SCAPER: variants seen among roughly 807,000 people sequenced by gnomAD.
SCAPER encodes the protein S-phase cyclin A associated protein in the ER, also known as S phase cyclin A-associated protein in the endoplasmic reticulum.
SCAPER carries 98 observed loss-of-function variants against 182.2 expected under a neutral mutation model. That is an observed-to-expected ratio of 0.54 (90% CI 0.46 to 0.64). SCAPER has a LOEUF of 0.64. Ranked by LOEUF, SCAPER falls within the 30% of genes least tolerant of loss-of-function variation. The probability of loss-of-function intolerance (pLI) is 0.00; values close to 1 mark genes in which losing one functional copy is unlikely to be tolerated. For missense variants in SCAPER, 1,432 were observed against 1,690.0 expected, an observed-to-expected ratio of 0.85 and a Z score of 2.68; for synonymous variants, 605 against 564.6, an observed-to-expected ratio of 1.07 and a Z score of -1.01.
In SCAPER at chr15:76,607,804, C is replaced by T. The variant is rs147003628; in HGVS notation, c.2711+13960G>A. 9.9e-4 allele frequency among the ~76,000 whole-genome samples: 150 copies of T among 152,216 alleles called. 1 individual carries two copies. In the East Asian group the frequency reaches 0.025, roughly 25 times the overall value. On this transcript the variant is annotated intron_variant, in intron 22 of 31. Coordinates refer to ENST00000563290, the MANE Select transcript of SCAPER (RefSeq NM_020843.4). ...GCTGATACCCTTTCTTCCAGTTGAT[C>T]GCATCGGCTACTGAGGCTTCTGCAT...
At chr15:76,696,145 T>C (rs533812075) in intron 20 of SCAPER, among the ~76,000 whole-genome samples, 10 of 152,342 alleles carry the variant, frequency 6.6e-5, no homozygotes, top group Non-Finnish European at 1.3e-4. Context: ...TATATGGAAT[T>C]ATCTTTTATT....
chr15:76,733,997 C>T (rs1356721183), intron 15 of SCAPER, among the ~76,000 whole-genome samples: 1 of 152,128 alleles, frequency 6.6e-6, no homozygotes, highest in Non-Finnish European at 1.5e-5. Context: ...CTTATACAGA[C>T]CATCTTACAA....
At position 76,753,771 on chromosome 15, in the gene SCAPER, G is replaced by C. The variant is rs772980621; in HGVS notation, c.1866+37C>G. On this transcript the variant is annotated intron_variant, in intron 15 of 31. Coordinates refer to ENST00000563290, the MANE Select transcript of SCAPER (RefSeq NM_020843.4). ...ATATAACAATTCAAAAAAGTACTTG[G>C]GTAATTAAGTCAACATTTAAAGCTC... 3.8e-6 allele frequency: 6 copies of C among 1,586,218 alleles called. No homozygotes were observed. The Admixed American group carries it at 1.0e-4, about 28-fold the overall frequency.
chr15:76,706,118 G>A (rs531789063), intron 17 of SCAPER, 134 bp from the exon 18 acceptor site: 205 of 544,352 alleles, frequency 3.8e-4, no homozygotes, highest in Middle Eastern at 1.3e-3. Flanking sequence ...TTCTTAAAGT[G>A]CCTACTAAGT....
rs2055588427 is a variant in SCAPER at position 76,655,840 on chromosome 15, T to G, written c.2645+9813A>C. On this transcript the variant is annotated intron_variant, in intron 21 of 31. Coordinates refer to ENST00000563290, the MANE Select transcript of SCAPER (RefSeq NM_020843.4). Reference sequence around the variant, plus strand: ...TAAGGGAAGGAGAAATAAGATCCTTTTCAGACAAGCAAATGCTAAGGGAAT... The same window carrying G: ...TAAGGGAAGGAGAAATAAGATCCTTGTCAGACAAGCAAATGCTAAGGGAAT... Among the ~76,000 whole-genome samples, 3 of 152,122 alleles carry G rather than the reference T, an allele frequency of 2.0e-5. No individual in the cohort carries two copies. The South Asian group carries it at 6.2e-4, about 32-fold the overall frequency.
intron 26 of SCAPER, among the ~76,000 whole-genome samples, chr15:76,412,988 T>A (rs1436239701): frequency 1.3e-5 from 2 of 152,222 alleles, no homozygotes; most frequent in African/African-American, 4.8e-5. Context: ...TGATGCTTTT[T>A]ATAAATGGTA....
chr15:76,643,716 AAC>A (rs771473253), intron 21 of SCAPER, among the ~76,000 whole-genome samples: 42 of 152,170 alleles, frequency 2.8e-4, no homozygotes, highest in Admixed American at 3.9e-4. Context: ...ATTCTTTGTT[AAC>A]CTAAGCTATC....
chr15:76,715,569 T>C (rs2059846008), intron 17 of SCAPER, among the ~76,000 whole-genome samples: 1 of 152,084 alleles, frequency 6.6e-6, no homozygotes, highest in African/African-American at 2.4e-5. Flanking sequence ...TTGCCATTCC[T>C]GGCTCCTTGT....
Position 76,530,863 on chromosome 15 carries a change from T to C in SCAPER, c.2839-25889A>G, listed in dbSNP as rs1019601536. 2.0e-4 allele frequency among the ~76,000 whole-genome samples: 30 copies of C among 152,046 alleles called. 1 individual carries two copies. The highest frequency in any genetic ancestry group is 6.8e-4 in the African/African-American group (28 of 41,472). Reference sequence around the variant, plus strand: ...TACAAAATCCCCAAGACATATTTCTTATAATCAAAGAACTTTAAAGTTATG... The same window carrying C: ...TACAAAATCCCCAAGACATATTTCTCATAATCAAAGAACTTTAAAGTTATG... On this transcript the variant is annotated intron_variant, in intron 23 of 31. Transcript: ENST00000563290.
At chr15:76,569,079 A>G (rs1338652189) in intron 23 of SCAPER, among the ~76,000 whole-genome samples, 1 of 152,042 alleles carries the variant, frequency 6.6e-6, no homozygotes, top group Non-Finnish European at 1.5e-5. Flanking sequence ...CACTAGTTAG[A>G]ACCCCCATTT....
intron 7 of SCAPER, among the ~76,000 whole-genome samples, chr15:76,798,353 A>G (rs1406672847): frequency 4.1e-5 from 6 of 147,168 alleles, no homozygotes; most frequent in South Asian, 4.6e-4. Context: ...GAGCAAGACT[A>G]TATCTTAAAA....
chr15:76,747,115 A>T (rs2061836678), intron 15 of SCAPER, among the ~76,000 whole-genome samples: 1 of 152,210 alleles, frequency 6.6e-6, no homozygotes, highest in African/African-American at 2.4e-5. Context: ...AAAGCTTACT[A>T]AAAAGCTACA....
intron 22 of SCAPER, among the ~76,000 whole-genome samples, chr15:76,599,091 AC>A (rs2049724954): frequency 8.3e-6 from 1 of 120,942 alleles, no homozygotes. Context: ...AAGATAATTC[AC>A]CAAAAATGGC....
intron 23 of SCAPER, among the ~76,000 whole-genome samples, chr15:76,514,822 A>G (rs1199253959): frequency 6.6e-6 from 1 of 152,216 alleles, no homozygotes; most frequent in Non-Finnish European, 1.5e-5. Context: ...CACTTAAAAG[A>G]CATCATTTCC....
intron 21 of SCAPER, among the ~76,000 whole-genome samples, chr15:76,655,933 C>T (rs1013859003): frequency 9.2e-5 from 14 of 151,978 alleles, no homozygotes; most frequent in Non-Finnish European, 1.5e-4. Flanking sequence ...ATTATCATGG[C>T]CCACAAAAAC....
intron 23 of SCAPER, among the ~76,000 whole-genome samples, chr15:76,515,176 G>A (rs2042324789): frequency 6.6e-6 from 1 of 152,192 alleles, no homozygotes; most frequent in African/African-American, 2.4e-5. Flanking sequence ...CAATTCCTTT[G>A]CGATGCTAAT....
chr15:76,401,259 C>T (rs1171232113), intron 27 of SCAPER, among the ~76,000 whole-genome samples: 1 of 152,036 alleles, frequency 6.6e-6, no homozygotes, highest in Non-Finnish European at 1.5e-5. Context: ...TGCTATCTAC[C>T]ATTCAAAATT....
intron 14 of SCAPER, among the ~76,000 whole-genome samples, chr15:76,757,088 A>G (rs561221133): frequency 6.6e-6 from 1 of 152,336 alleles, no homozygotes; most frequent in South Asian, 2.1e-4. Flanking sequence ...TAATCAGTTT[A>G]TATCCCATTA....
chr15:76,516,183 T>C (rs1031307371), intron 23 of SCAPER, among the ~76,000 whole-genome samples: 16 of 151,326 alleles, frequency 1.1e-4, no homozygotes, highest in African/African-American at 3.4e-4. Context: ...TTTCTTTCTT[T>C]CTTTTTTTTT....
Sources: gnomAD v4.1 joint callset for allele counts (sites outside exome capture counted in the v4.1 genomes callset) on GRCh38, gnomAD v4.1.1 for gene constraint, MANE v1.5 for transcripts, NCBI Gene and HGNC (gene_info 2026-07-23, HGNC 2026-07-21) for gene names.